Variants in DNAJB14 observed in about 807,000 individuals in gnomAD.
The protein encoded by DNAJB14 is dnaJ homolog subfamily B member 14.
A neutral mutation model predicts 48.4 loss-of-function variants in DNAJB14; 22 were observed. That is an observed-to-expected ratio of 0.45 (90% CI 0.32 to 0.65). The LOEUF (loss-of-function observed/expected upper bound fraction) is 0.65. DNAJB14 is among the 30% of genes least tolerant of loss of function. The pLI, the probability that DNAJB14 is intolerant of heterozygous loss-of-function variation, is 0.03. For missense variants in DNAJB14, 319 were observed against 458.8 expected (o/e 0.70, Z 2.78); for synonymous variants, 142 against 158.7 (o/e 0.89, Z 0.79).
In DNAJB14 at chr4:99,924,679, G is replaced by A; in HGVS notation, c.306-1494C>T. ...AAAAAAAGAGAATGATCCCACCTGT[G>A]TAGAGACTCATTCTCCTAGAAATGT... On this transcript the variant is annotated intron_variant, in intron 2 of 7. Coordinates refer to ENST00000442697, the MANE Select transcript of DNAJB14 (RefSeq NM_001031723.4). 1.9e-6 allele frequency: 3 copies of A among 1,580,334 alleles called. No homozygotes were observed. In the South Asian group the frequency reaches 3.4e-5, roughly 18 times the overall value.
At chr4:99,903,010 G>A (rs1725345980) in intron 7 of DNAJB14, among the ~76,000 whole-genome samples, 2 of 152,024 alleles carry the variant, frequency 1.3e-5, no homozygotes, top group Non-Finnish European at 2.9e-5. Flanking sequence ...GTTACAATTC[G>A]TCAGCTAAAA....
intron 2 of DNAJB14, 47 bp downstream of exon 2, chr4:99,930,403 A>G (rs1396350059): frequency 6.6e-7 from 1 of 1,517,368 alleles, no homozygotes; most frequent in Admixed American, 2.2e-5. Flanking sequence ...ATCAAAAAGT[A>G]CATTAATACC....
At chr4:99,944,971 A>G (rs28553972) in intron 1 of DNAJB14, among the ~76,000 whole-genome samples, 1 of 152,324 alleles carries the variant, frequency 6.6e-6, no homozygotes, top group Non-Finnish European at 1.5e-5. Context: ...TCACAAAAAG[A>G]TACTGCATGA....
intron 1 of DNAJB14, among the ~76,000 whole-genome samples, chr4:99,943,064 AC>A (rs1284526995): frequency 6.6e-6 from 1 of 152,156 alleles, no homozygotes; most frequent in African/African-American, 2.4e-5. Flanking sequence ...GTACCAATAA[AC>A]ATCTTCTAGA....
chr4:99,922,612 A>T (rs1401467112), intron 3 of DNAJB14: 1 of 152,394 alleles, frequency 6.6e-6, no homozygotes, highest in Non-Finnish European at 1.5e-5. Flanking sequence ...GCAAAGTTTA[A>T]TAGAAATAAA....
At chr4:99,943,763 G>C (rs1176972991) in intron 1 of DNAJB14, among the ~76,000 whole-genome samples, 2 of 152,102 alleles carry the variant, frequency 1.3e-5, no homozygotes, top group African/African-American at 4.8e-5. Flanking sequence ...TCTAGGACTA[G>C]ATAATGACTA....
intron 3 of DNAJB14, among the ~76,000 whole-genome samples, chr4:99,919,594 C>A (rs562033704): frequency 1.6e-4 from 24 of 151,618 alleles, no homozygotes; most frequent in East Asian, 1.5e-3. Context: ...AAAAAACAAA[C>A]AAACAAACAA....
intron 1 of DNAJB14, among the ~76,000 whole-genome samples, chr4:99,932,713 C>T (rs1726520915): frequency 6.6e-6 from 1 of 152,074 alleles, no homozygotes; most frequent in African/African-American, 2.4e-5. Context: ...CAACATTATT[C>T]ACAATGGCAA....
chr4:99,910,545 C>G (rs1041278440), intron 3 of DNAJB14, among the ~76,000 whole-genome samples: 8 of 152,014 alleles, frequency 5.3e-5, no homozygotes, highest in South Asian at 2.1e-4. Flanking sequence ...CAACCCAATT[C>G]TATTTTAAGG....
In DNAJB14 at chr4:99,896,272, T is replaced by A. The variant is rs905649804; in HGVS notation, c.*4756A>T. The A allele has an allele frequency of 6.6e-6, 1 of 152,182 alleles. No homozygotes were observed. Among genetic ancestry groups the A allele is most frequent in the African/African-American group, 2.4e-5 (1 of 41,448 alleles). The allele number at this position is 152,182 out of a possible 1,614,324, so 9.4% of individuals were successfully genotyped here. A position where few individuals can be genotyped will look rare whatever the true frequency, so the allele number is the denominator to read the frequency against. ...ATTTTACAGTGAGAACAGACCTTTT[T>A]ATTAATATATTGAGATAAACTACAG... On this transcript the variant is annotated 3_prime_UTR_variant, in exon 8 of 8. Coordinates refer to ENST00000442697, the MANE Select transcript of DNAJB14 (RefSeq NM_001031723.4).
chr4:99,915,422 C>T (rs1725820711), intron 3 of DNAJB14, among the ~76,000 whole-genome samples: 2 of 152,138 alleles, frequency 1.3e-5, no homozygotes, highest in South Asian at 4.2e-4. Context: ...CAGGCGTGAG[C>T]CACTGTGCCT....
chr4:99,899,678 TTA>T lies in DNAJB14; in HGVS notation c.*1348_*1349del, dbSNP rs1015398698. Reference sequence around the variant, plus strand: ...TCACAAAGAAGTATCAAAGATATGTTTATGTTCCATTAACCGAGTATGAAGCA... The same window carrying T: ...TCACAAAGAAGTATCAAAGATATGTTTGTTCCATTAACCGAGTATGAAGCA... On this transcript the variant is annotated 3_prime_UTR_variant, in exon 8 of 8. Transcript: ENST00000442697. 7.2e-5 allele frequency: 11 copies of T among 152,528 alleles called. No individual in the cohort carries two copies. Among genetic ancestry groups the T allele is most frequent in the Admixed American group, 6.5e-4 (10 of 15,276 alleles). 9.4% of individuals were successfully genotyped at this position (152,528 alleles called of 1,614,324 possible). A position where few individuals can be genotyped will look rare whatever the true frequency, so the allele number is the denominator to read the frequency against.
chr4:99,935,966 G>A (rs150158565), intron 1 of DNAJB14, among the ~76,000 whole-genome samples: 171 of 152,310 alleles, frequency 1.1e-3, no homozygotes, highest in African/African-American at 3.5e-3. Flanking sequence ...TACTCGGGAG[G>A]CTGAGACAGG....
chr4:99,930,288 C>A, intron 2 of DNAJB14, 162 bp downstream of exon 2: 1 of 561,230 alleles, frequency 1.8e-6, no homozygotes, highest in Non-Finnish European at 2.8e-6. Context: ...TGGTACTTTA[C>A]AGACCAGTTT....
chr4:99,933,347 T>C (rs145412037), intron 1 of DNAJB14, among the ~76,000 whole-genome samples: 1 of 130,160 alleles, frequency 7.7e-6, no homozygotes, highest in Non-Finnish European at 1.5e-5. Flanking sequence ...CAGGCTGGAG[T>C]GCAGTGGTAT....
At chr4:99,934,653 C>T (rs1726599917) in intron 1 of DNAJB14, among the ~76,000 whole-genome samples, 1 of 150,820 alleles carries the variant, frequency 6.6e-6, no homozygotes, top group African/African-American at 2.4e-5. Context: ...ATTAGCCGGG[C>T]GTGATGACCA....
intron 1 of DNAJB14, among the ~76,000 whole-genome samples, chr4:99,934,686 G>A (rs750031175): frequency 2.7e-5 from 4 of 149,902 alleles, no homozygotes; most frequent in Admixed American, 6.7e-5. Flanking sequence ...CCAGCTACCC[G>A]GGAGGCTGAG....
intron 3 of DNAJB14, 62 bp from the exon 4 acceptor site, chr4:99,908,958 C>T (rs1312934776): frequency 8.4e-7 from 1 of 1,194,788 alleles, no homozygotes; most frequent in Non-Finnish European, 1.1e-6. Flanking sequence ...GGCTGCCCCA[C>T]ATAAAAACTA....
intron 5 of DNAJB14, 49 bp from the exon 6 acceptor site, chr4:99,905,755 TTAA>T (rs1485480826): frequency 2.6e-6 from 4 of 1,555,078 alleles, no homozygotes; most frequent in South Asian, 2.2e-5. Flanking sequence ...ACTGTAGTTG[TTAA>T]TAATACAACA....
Sources: gnomAD v4.1 joint callset for allele counts (sites outside exome capture counted in the v4.1 genomes callset) on GRCh38, gnomAD v4.1.1 for gene constraint, MANE v1.5 for transcripts, NCBI Gene and HGNC (gene_info 2026-07-23, HGNC 2026-07-21) for gene names.